The following LINGO1 variants were observed in gnomAD, a reference collection of about 807,000 sequenced individuals.
The protein encoded by LINGO1 is leucine rich repeat and Ig domain containing 1, also known as leucine-rich repeat and immunoglobulin-like domain-containing nogo receptor-interacting protein 1.
A neutral mutation model predicts 37.3 loss-of-function variants in LINGO1; 11 were observed. The ratio of observed to expected loss-of-function variants is 0.29; its 90% CI spans 0.19 to 0.49. The LOEUF is 0.49. Ranked by LOEUF, LINGO1 falls within the 20% of genes least tolerant of loss-of-function variation. The pLI, the probability that LINGO1 is intolerant of heterozygous loss-of-function variation, is 0.99. For synonymous variants in LINGO1, 387 were observed against 403.0 expected (o/e 0.96, Z 0.48); for missense variants, 585 against 878.2 (o/e 0.67, Z 4.22).
At chr15:77,741,927 G>A (rs1323052730) in intron 1 of LINGO1, among the ~76,000 whole-genome samples, 1 of 152,198 alleles carries the variant, frequency 6.6e-6, no homozygotes, top group African/African-American at 2.4e-5. Context: ...AGGAATCCTT[G>A]GTTCAGATGG....
intron 3 of LINGO1, among the ~76,000 whole-genome samples, chr15:77,673,016 C>T (rs2075276497): frequency 6.6e-6 from 1 of 152,198 alleles, no homozygotes; most frequent in Non-Finnish European, 1.5e-5. Context: ...TTCAGAGCAG[C>T]AGGGAAAGGA....
chr15:77,628,474 CTT>C (rs2074158860), intron 1 of LINGO1, among the ~76,000 whole-genome samples: 1 of 152,124 alleles, frequency 6.6e-6, no homozygotes, highest in African/African-American at 2.4e-5. Context: ...AGTTCATGCT[CTT>C]TTTATAAAGT....
upstream of LINGO1, among the ~76,000 whole-genome samples, chr15:77,789,059 C>T (rs908560620): frequency 2.6e-5 from 4 of 152,158 alleles, no homozygotes; most frequent in Non-Finnish European, 4.4e-5. Context: ...GTGCACCCCA[C>T]GGCATGAGAT....
At chr15:77,668,234 C>T (rs1166533582) in intron 3 of LINGO1, among the ~76,000 whole-genome samples, 1 of 152,178 alleles carries the variant, frequency 6.6e-6, no homozygotes, top group East Asian at 1.9e-4. Context: ...GCACATGTCC[C>T]AGCTCAGTGA....
intron 1 of LINGO1, among the ~76,000 whole-genome samples, chr15:77,775,255 T>C (rs1322446313): frequency 6.6e-6 from 1 of 152,270 alleles, no homozygotes; most frequent in East Asian, 1.9e-4. Context: ...CCCATCCATC[T>C]GAAGCTCTAA....
intron 3 of LINGO1, among the ~76,000 whole-genome samples, chr15:77,664,593 T>C (rs2075088646): frequency 6.6e-6 from 1 of 152,158 alleles, no homozygotes; most frequent in African/African-American, 2.4e-5. Flanking sequence ...CACTCAGGTA[T>C]GTGTGGGGAG....
intron 2 of LINGO1, among the ~76,000 whole-genome samples, chr15:77,710,522 C>G (rs890432555): frequency 6.6e-6 from 1 of 152,196 alleles, no homozygotes; most frequent in Non-Finnish European, 1.5e-5. Flanking sequence ...GTTCTCTGAT[C>G]GCAGTTTGAT....
At chr15:77,807,612 T>C (rs2141473605) in intron 1 of LINGO1, among the ~76,000 whole-genome samples, 1 of 152,156 alleles carries the variant, frequency 6.6e-6, no homozygotes, top group South Asian at 2.1e-4. Context: ...TCCATTTCTC[T>C]CCCAGGACCA....
intron 3 of LINGO1, among the ~76,000 whole-genome samples, chr15:77,660,476 T>C (rs116342711): frequency 0.063 from 9,520 of 152,136 alleles, 1,004 homozygotes; most frequent in African/African-American, 0.22. Context: ...TCTCCCTTGC[T>C]CTCCCGAGGC....
chr15:77,660,707 G>A (rs1043239975), intron 3 of LINGO1, among the ~76,000 whole-genome samples: 1 of 152,230 alleles, frequency 6.6e-6, no homozygotes, highest in African/African-American at 2.4e-5. Flanking sequence ...TTAGAACAGT[G>A]CCTTCCTGGC....
Position 77,632,259 on chromosome 15 carries a change from ACTCGCCGCGGGG to A in LINGO1, c.6+39_6+50del, listed in dbSNP as rs2074277020. 1.2e-5 allele frequency: 16 copies of A among 1,341,464 alleles called. No individual in the cohort carries two copies. The highest frequency in any genetic ancestry group is 1.5e-5 in the Non-Finnish European group (16 of 1,052,656). The allele number at this position is 1,341,464 out of a possible 1,614,324, so 83.1% of individuals were successfully genotyped here. ...AGGGCCGATGGCGGCCCCCAGGGGC[ACTCGCCGCGGGG>A]CTGCCCGCTCGGGGCTCGGCCGCGG... On this transcript the variant is annotated intron_variant, in intron 1 of 1. Coordinates refer to ENST00000355300, the MANE Select transcript of LINGO1 (RefSeq NM_032808.7). The surrounding 1 kb of genome is among the most constrained non-coding windows in gnomAD (Gnocchi z 6.0).
chr15:77,810,760 G>C (rs950410842), intron 1 of LINGO1, among the ~76,000 whole-genome samples: 1 of 152,178 alleles, frequency 6.6e-6, no homozygotes, highest in Non-Finnish European at 1.5e-5. Flanking sequence ...TCCAAGCATC[G>C]GAGAGTACTG....
At position 77,613,978 on chromosome 15, in the gene LINGO1, A is replaced by G. The variant is rs2073593606; in HGVS notation, c.*66T>C. ...AGGAGGTGGGAAGGACTGGAGAGTG[A>G]GCAGGTGGCGGCCAGGCCCCTTCCC... On this transcript the variant is annotated 3_prime_UTR_variant, in exon 2 of 2. Coordinates refer to ENST00000355300, the MANE Select transcript of LINGO1 (RefSeq NM_032808.7). 1.6e-6 allele frequency: 2 copies of G among 1,281,452 alleles called. No homozygotes were observed. The highest frequency in any genetic ancestry group is 2.2e-6 in the Non-Finnish European group (2 of 928,184). The allele number at this position is 1,281,452 out of a possible 1,614,324, so 79.4% of individuals were successfully genotyped here. A position where few individuals can be genotyped will look rare whatever the true frequency, so the allele number is the denominator to read the frequency against.
At chr15:77,759,417 G>A (rs2076452627) in intron 1 of LINGO1, among the ~76,000 whole-genome samples, 1 of 152,286 alleles carries the variant, frequency 6.6e-6, no homozygotes, top group Non-Finnish European at 1.5e-5. Context: ...GAGGCAACTC[G>A]GTCCAAGTGG....
chr15:77,745,429 GAA>G (rs1233452547), intron 1 of LINGO1, among the ~76,000 whole-genome samples: 37 of 83,060 alleles, frequency 4.5e-4, no homozygotes, highest in African/African-American at 1.3e-3. Context: ...CGTCTCAAAA[GAA>G]AAAAAAAAAA....
intron 1 of LINGO1, among the ~76,000 whole-genome samples, chr15:77,755,331 C>T (rs2141373082): frequency 6.6e-6 from 1 of 152,344 alleles, no homozygotes; most frequent in East Asian, 1.9e-4. Context: ...CAACAGGCTC[C>T]AGCCCCAAAG....
At chr15:77,672,070 G>A (rs1403315551) in intron 3 of LINGO1, among the ~76,000 whole-genome samples, 1 of 150,700 alleles carries the variant, frequency 6.6e-6, no homozygotes, top group Non-Finnish European at 1.5e-5. Context: ...AACACAGCAG[G>A]TGTCTAATAG....
intron 3 of LINGO1, chr15:77,667,859 GCA>G (rs1261781977): frequency 3.3e-5 from 5 of 152,214 alleles, no homozygotes; most frequent in Admixed American, 3.3e-4. Flanking sequence ...GGAGAAAAGG[GCA>G]TCCTCCAGCT....
At chr15:77,782,941 T>C (rs1175509774) in intron 1 of LINGO1, among the ~76,000 whole-genome samples, 1 of 151,924 alleles carries the variant, frequency 6.6e-6, no homozygotes, top group Non-Finnish European at 1.5e-5. Flanking sequence ...GCTAAGGCTG[T>C]TTCCCACCCC....
Sources: allele counts gnomAD v4.1 joint callset (sites outside exome capture counted in the v4.1 genomes callset), GRCh38; gene constraint gnomAD v4.1.1; non-coding constraint Gnocchi (gnomAD v3.1); transcripts MANE v1.5; gene names NCBI Gene and HGNC (gene_info 2026-07-23, HGNC 2026-07-21).